Variants in GALNT12 observed in about 807,000 individuals in gnomAD.
The protein encoded by GALNT12 is polypeptide N-acetylgalactosaminyltransferase 12.
A neutral mutation model predicts 55.5 loss-of-function variants in GALNT12; 45 were observed. The ratio of observed to expected loss-of-function variants is 0.81; its 90% confidence interval spans 0.64 to 1.04. The LOEUF (loss-of-function observed/expected upper bound fraction) is 1.04, where lower values mean the gene tolerates loss of function less well. GALNT12 is among the 50% of genes least tolerant of loss of function. GALNT12 has a pLI of 0.00. For synonymous variants in GALNT12, 304 were observed against 312.2 expected (o/e 0.97, Z 0.28); for missense variants, 709 against 754.8 (o/e 0.94, Z 0.71).
At chr9:98,809,407 G>A (rs1281929717) in intron 1 of GALNT12, among the ~76,000 whole-genome samples, 1 of 152,208 alleles carries the variant, frequency 6.6e-6, no homozygotes, top group East Asian at 1.9e-4. Context: ...GAGGGTGCCC[G>A]CTGAGGCAAG....
intron 4 of GALNT12, among the ~76,000 whole-genome samples, chr9:98,834,588 C>T (rs535116712): frequency 2.0e-5 from 3 of 152,352 alleles, no homozygotes; most frequent in African/African-American, 7.2e-5. Context: ...GAAAAAGCAG[C>T]CTGAGGCTGG....
At chr9:98,832,002 A>G in intron 4 of GALNT12, 45 bp downstream of exon 4, 1 of 1,548,210 alleles carries the variant, frequency 6.5e-7, no homozygotes, top group Non-Finnish European at 8.9e-7. Context: ...AGCATGCCTC[A>G]TTGAATCTGG....
intron 1 of GALNT12, among the ~76,000 whole-genome samples, chr9:98,812,056 A>G (rs1251572609): frequency 6.6e-6 from 1 of 152,150 alleles, no homozygotes; most frequent in African/African-American, 2.4e-5. Flanking sequence ...AGGACATTAG[A>G]CTGATGTTTA....
chr9:98,819,949 A>G (rs757887086), intron 1 of GALNT12, among the ~76,000 whole-genome samples: 4 of 152,238 alleles, frequency 2.6e-5, no homozygotes, highest in Non-Finnish European at 4.4e-5. Context: ...TAACATAGGA[A>G]GTGGTTTTGA....
chr9:98,839,599 A>G (rs1397193372), intron 6 of GALNT12, among the ~76,000 whole-genome samples: 1 of 152,222 alleles, frequency 6.6e-6, no homozygotes, highest in Non-Finnish European at 1.5e-5. Flanking sequence ...GTCATGGCAT[A>G]TGTTTCGGTG....
chr9:98,811,046 T>C (rs1835484696), intron 1 of GALNT12, among the ~76,000 whole-genome samples: 1 of 152,060 alleles, frequency 6.6e-6, no homozygotes, highest in African/African-American at 2.4e-5. Flanking sequence ...CTTTAAAAAA[T>C]ATATTGATGC....
At chr9:98,812,030 G>C in intron 1 of GALNT12, among the ~76,000 whole-genome samples, 1 of 152,136 alleles carries the variant, frequency 6.6e-6, no homozygotes, top group East Asian at 1.9e-4. Flanking sequence ...GTCTTGCTAG[G>C]GTTGCAGAAG....
At chr9:98,829,541 CTG>C (rs1377543210) in intron 3 of GALNT12, among the ~76,000 whole-genome samples, 1 of 152,000 alleles carries the variant, frequency 6.6e-6, no homozygotes, top group Non-Finnish European at 1.5e-5. Context: ...TATAGTCACT[CTG>C]TTGTGCTAGC....
chr9:98,812,016 G>A (rs921506291), intron 1 of GALNT12, among the ~76,000 whole-genome samples: 2 of 152,178 alleles, frequency 1.3e-5, no homozygotes, highest in Non-Finnish European at 2.9e-5. Flanking sequence ...TTAAGCAAAA[G>A]TATGTCTTGC....
chr9:98,837,798 G>A (rs1836191298), intron 6 of GALNT12, among the ~76,000 whole-genome samples: 1 of 152,182 alleles, frequency 6.6e-6, no homozygotes, highest in South Asian at 2.1e-4. Context: ...ATATCACCTG[G>A]AAATGGGAGT....
At chr9:98,845,913 C>A in intron 8 of GALNT12, 64 bp from the exon 9 acceptor site, 2 of 1,565,338 alleles carry the variant, frequency 1.3e-6, no homozygotes, top group Non-Finnish European at 1.7e-6. Context: ...TCTTGTCCAG[C>A]GATCTTTCCT....
At chr9:98,819,797 G>A (rs1009141001) in intron 1 of GALNT12, among the ~76,000 whole-genome samples, 7 of 152,130 alleles carry the variant, frequency 4.6e-5, no homozygotes, top group Admixed American at 2.6e-4. Flanking sequence ...TGAGCCTCCT[G>A]TTGGGTAGAA....
At chr9:98,816,423 GA>G (rs1193012572) in intron 1 of GALNT12, among the ~76,000 whole-genome samples, 2 of 145,606 alleles carry the variant, frequency 1.4e-5, no homozygotes, top group African/African-American at 5.1e-5. Context: ...GACAAGAGAA[GA>G]AATAAATTTT....
chr9:98,839,256 A>G (rs1255518594), intron 6 of GALNT12, among the ~76,000 whole-genome samples: 1 of 152,234 alleles, frequency 6.6e-6, no homozygotes, highest in Non-Finnish European at 1.5e-5. Flanking sequence ...AACTCTGGGA[A>G]ATAGCAGAAA....
intron 5 of GALNT12, 88 bp downstream of exon 5, chr9:98,835,454 C>T (rs1209950213): frequency 3.5e-6 from 3 of 846,446 alleles, no homozygotes; most frequent in Non-Finnish European, 6.2e-6. Flanking sequence ...CCTGGTGGAC[C>T]CTGAAAGATG....
At chr9:98,848,912 T>C in intron 9 of GALNT12, 40 bp from the exon 10 acceptor site, 1 of 1,613,656 alleles carries the variant, frequency 6.2e-7, no homozygotes, top group African/African-American at 1.3e-5. Context: ...AAAAAGAGAC[T>C]TTTCTGATGA....
chr9:98,823,953 C>A (rs1054516184), intron 2 of GALNT12, among the ~76,000 whole-genome samples: 2 of 152,160 alleles, frequency 1.3e-5, no homozygotes, highest in African/African-American at 4.8e-5. Flanking sequence ...AGCATCAGCC[C>A]GTGAATCCTT....
intron 1 of GALNT12, among the ~76,000 whole-genome samples, chr9:98,809,055 G>T (rs896556511): frequency 1.3e-5 from 2 of 152,158 alleles, no homozygotes; most frequent in Non-Finnish European, 2.9e-5. Context: ...GGTTCGGAAA[G>T]GATAGGTGAC....
chr9:98,849,568 A>G lies in GALNT12; in HGVS notation c.*476A>G, dbSNP rs1836504035. 1 of 448,986 alleles carries G rather than the reference A, an allele frequency of 2.2e-6. No individual in the cohort carries two copies. The highest frequency in any genetic ancestry group is 3.8e-5 in the Admixed American group (1 of 26,274). 27.8% of individuals were successfully genotyped at this position (448,986 alleles called of 1,614,324 possible). ...TGCGGGGTTAAAGTTTTCCCAGTATAGAGAGACTGTCACTAGGAACATTGT... is the reference window on the plus strand; with the variant it reads ...TGCGGGGTTAAAGTTTTCCCAGTATGGAGAGACTGTCACTAGGAACATTGT... On this transcript the variant is annotated 3_prime_UTR_variant, in exon 10 of 10. Coordinates refer to ENST00000375011, the MANE Select transcript of GALNT12 (RefSeq NM_024642.5).
Sources: allele counts gnomAD v4.1 joint callset (sites outside exome capture counted in the v4.1 genomes callset), GRCh38; gene constraint gnomAD v4.1.1; transcripts MANE v1.5; gene names NCBI Gene and HGNC (gene_info 2026-07-23, HGNC 2026-07-21).